The following FIGN variants were observed in gnomAD, a reference collection of about 807,000 sequenced individuals.
The protein encoded by FIGN is fidgetin, microtubule severing factor, also known as fidgetin.
In FIGN, 11 loss-of-function variants were observed where a neutral mutation model predicts 51.3. The observed-to-expected ratio is 0.21, with a 90% confidence interval of 0.13 to 0.35. The LOEUF is 0.35. FIGN is among the 10% of genes least tolerant of loss of function. The pLI is 1.00. For missense variants in FIGN, 857 were observed against 943.6 expected (o/e 0.91, Z 1.20); for synonymous variants, 407 against 363.2 (o/e 1.12, Z -1.37).
At chr2:163,716,867 A>G (rs1357341047) in intron 2 of FIGN, among the ~76,000 whole-genome samples, 1 of 152,202 alleles carries the variant, frequency 6.6e-6, no homozygotes, top group African/African-American at 2.4e-5. Flanking sequence ...CCTCTTACAC[A>G]TGCTGAAGAA....
intron 2 of FIGN, among the ~76,000 whole-genome samples, chr2:163,685,154 T>G (rs1684127724): frequency 6.6e-6 from 1 of 152,104 alleles, no homozygotes; most frequent in African/African-American, 2.4e-5. Flanking sequence ...CATAAACACC[T>G]AACAGTTTCA....
intron 2 of FIGN, among the ~76,000 whole-genome samples, chr2:163,698,205 A>G (rs1294828657): frequency 6.6e-6 from 1 of 152,136 alleles, no homozygotes; most frequent in Non-Finnish European, 1.5e-5. Flanking sequence ...TTTGGTTAGA[A>G]TTAATGTTAT....
rs376611185 is a variant in FIGN, at chr2:163,635,104, G to C, written c.26-23298C>G. Reference sequence around the variant, plus strand: ...TATTTGCTATTAATACCTACTATGTGTATGCTTAATTTCAAGTGTACTTGA... The same window carrying C: ...TATTTGCTATTAATACCTACTATGTCTATGCTTAATTTCAAGTGTACTTGA... On this transcript the variant is annotated intron_variant, in intron 2 of 2. Transcript: ENST00000333129. Among the ~76,000 whole-genome samples the C allele has an allele frequency of 4.6e-5, 7 of 152,210 alleles. No homozygotes were observed. In the East Asian group the frequency reaches 1.2e-3, roughly 25 times the overall value.
At chr2:163,692,351 G>A (rs1443574410) in intron 2 of FIGN, among the ~76,000 whole-genome samples, 1 of 152,280 alleles carries the variant, frequency 6.6e-6, no homozygotes, top group African/African-American at 2.4e-5. Context: ...AGGCTCCTAA[G>A]TAAGGTGTTA....
At chr2:163,689,661 T>C (rs569320565) in intron 2 of FIGN, among the ~76,000 whole-genome samples, 290 of 152,310 alleles carry the variant, frequency 1.9e-3, no homozygotes, top group South Asian at 3.3e-3. Flanking sequence ...CTACATGTTT[T>C]AGAAGCAATT....
At chr2:163,658,963 G>A (rs1490434788) in intron 2 of FIGN, among the ~76,000 whole-genome samples, 1 of 152,022 alleles carries the variant, frequency 6.6e-6, no homozygotes, top group Non-Finnish European at 1.5e-5. Flanking sequence ...AACTCCTTGT[G>A]CCCCACGTAA....
intron 2 of FIGN, among the ~76,000 whole-genome samples, chr2:163,618,180 T>C (rs1364145280): frequency 6.6e-6 from 1 of 152,200 alleles, no homozygotes; most frequent in Non-Finnish European, 1.5e-5. Flanking sequence ...TGATGTTTCC[T>C]GTGACTCAAC....
At chr2:163,652,073 T>C (rs1298534833) in intron 2 of FIGN, among the ~76,000 whole-genome samples, 2 of 152,176 alleles carry the variant, frequency 1.3e-5, no homozygotes, top group African/African-American at 4.8e-5. Context: ...TACTTGGATA[T>C]GTTTGAATGA....
chr2:163,698,396 C>T (rs1019721488), intron 2 of FIGN, among the ~76,000 whole-genome samples: 1 of 152,024 alleles, frequency 6.6e-6, no homozygotes, highest in African/African-American at 2.4e-5. Flanking sequence ...CCTCCTTCCC[C>T]CTCCCTGGCG....
intron 2 of FIGN, among the ~76,000 whole-genome samples, chr2:163,689,173 A>AAAACACACACACACAC (rs1491354284): frequency 2.8e-5 from 4 of 144,764 alleles, no homozygotes; most frequent in Admixed American, 7.0e-5. Context: ...AACAAAAATG[A>AAAACACACACACACAC]ACACACACAC....
At chr2:163,704,203 TAATA>T (rs1684454969) in intron 2 of FIGN, among the ~76,000 whole-genome samples, 1 of 152,130 alleles carries the variant, frequency 6.6e-6, no homozygotes, top group Non-Finnish European at 1.5e-5. Flanking sequence ...CTTACATGAA[TAATA>T]AATAATACTT....
chr2:163,640,551 G>A (rs1683291601), intron 2 of FIGN, among the ~76,000 whole-genome samples: 2 of 152,016 alleles, frequency 1.3e-5, no homozygotes, highest in Admixed American at 1.3e-4. Context: ...ACTATTTTAA[G>A]AGTCTGTACT....
intron 2 of FIGN, among the ~76,000 whole-genome samples, chr2:163,622,338 AAATT>A (rs1363616363): frequency 2.0e-5 from 3 of 152,082 alleles, no homozygotes; most frequent in African/African-American, 7.2e-5. Flanking sequence ...GTCTCAAAAA[AAATT>A]AATAATAATA....
rs1347756778 is a variant in FIGN, at chr2:163,611,768, G to A, written c.64C>T (p.Pro22Ser). The A allele has an allele frequency of 6.2e-7, 1 of 1,611,748 alleles. No individual in the cohort carries two copies. The highest frequency in any genetic ancestry group is 8.5e-7 in the Non-Finnish European group (1 of 1,178,106). ...GAGGTGATGTCAAAGTGCTGTTCTG[G>A]CCACTGGGCATGCTCTGGCGTCCAC... ...MQWTPEHAQW[P>S]EQHFDITSTT... Residue 22 changes from proline (P) to serine (S), a missense_variant, in exon 3 of 3, where the codon CCA becomes TCA. Transcript: ENST00000333129.
At chr2:163,681,613 C>A (rs553268666) in intron 2 of FIGN, among the ~76,000 whole-genome samples, 2 of 152,088 alleles carry the variant, frequency 1.3e-5, no homozygotes, top group African/African-American at 4.8e-5. Context: ...GATGACTGCA[C>A]GCCTGGCACG....
chr2:163,692,633 G>A (rs1317782261), intron 2 of FIGN, among the ~76,000 whole-genome samples: 2 of 152,128 alleles, frequency 1.3e-5, no homozygotes, highest in Non-Finnish European at 2.9e-5. Context: ...AGGTAATAGA[G>A]GAGACAGACT....
chr2:163,703,676 T>C (rs1444801831), intron 2 of FIGN, among the ~76,000 whole-genome samples: 2 of 152,118 alleles, frequency 1.3e-5, no homozygotes, highest in Non-Finnish European at 1.5e-5. Flanking sequence ...GGCCTTAAGA[T>C]GTAAAGGTCT....
chr2:163,681,260 G>A (rs1362563702), intron 2 of FIGN, among the ~76,000 whole-genome samples: 1 of 151,984 alleles, frequency 6.6e-6, no homozygotes, highest in Non-Finnish European at 1.5e-5. Flanking sequence ...CTAAGGATTT[G>A]AAACGCTTCA....
At chr2:163,683,768 C>T (rs1031763854) in intron 2 of FIGN, among the ~76,000 whole-genome samples, 3 of 152,048 alleles carry the variant, frequency 2.0e-5, no homozygotes, top group African/African-American at 2.4e-5. Flanking sequence ...TTCTAATGTG[C>T]GGCCAAGGTT....
Sources: gnomAD v4.1 joint callset for allele counts (sites outside exome capture counted in the v4.1 genomes callset) on GRCh38, gnomAD v4.1.1 for gene constraint, MANE v1.5 for transcripts, NCBI Gene and HGNC (gene_info 2026-07-23, HGNC 2026-07-21) for gene names.